Variants in SLMAP observed in about 807,000 individuals in gnomAD.
SLMAP encodes sarcolemmal membrane-associated protein.
SLMAP carries 44 observed loss-of-function variants against 128.8 expected under a neutral mutation model. That is an observed-to-expected ratio of 0.34 (90% CI 0.27 to 0.44). The LOEUF (loss-of-function observed/expected upper bound fraction) is 0.44. Among genes scored for constraint, SLMAP ranks in the 20% least tolerant of loss-of-function variants. The probability of loss-of-function intolerance (pLI) is 1.00; values close to 1 mark genes in which losing one functional copy is unlikely to be tolerated. For missense variants in SLMAP, 787 were observed against 985.3 expected (o/e 0.80, Z 2.69); for synonymous variants, 327 against 348.8 (o/e 0.94, Z 0.70).
chr3:57,771,655 T>C (rs1282496182), intron 2 of SLMAP, among the ~76,000 whole-genome samples: 1 of 152,202 alleles, frequency 6.6e-6, no homozygotes, highest in Non-Finnish European at 1.5e-5. Flanking sequence ...CCTCCCAGAC[T>C]GCTGGGATTA....
chr3:57,896,653 C>T (rs1238398933), intron 16 of SLMAP, 62 bp downstream of exon 16: 1 of 1,254,006 alleles, frequency 8.0e-7, no homozygotes, highest in African/African-American at 1.5e-5. Context: ...TTATATAGGT[C>T]AATGTGAGTG....
chr3:57,781,556 C>G (rs905821957), intron 2 of SLMAP, among the ~76,000 whole-genome samples: 1 of 151,796 alleles, frequency 6.6e-6, no homozygotes, highest in Non-Finnish European at 1.5e-5. Flanking sequence ...TAAAGAAACT[C>G]TGAAGGAGGC....
chr3:57,808,956 A>G (rs1311001136), intron 2 of SLMAP, among the ~76,000 whole-genome samples: 1 of 152,176 alleles, frequency 6.6e-6, no homozygotes, highest in East Asian at 1.9e-4. Context: ...GTGCATATAT[A>G]TATTTAGGAT....
chr3:57,811,292 T>C (rs2090934212), intron 2 of SLMAP, among the ~76,000 whole-genome samples: 1 of 152,144 alleles, frequency 6.6e-6, no homozygotes, highest in Non-Finnish European at 1.5e-5. Context: ...TCTGCCTCCA[T>C]GATTTTGGAC....
At chr3:57,779,600 G>A (rs1309636559) in intron 2 of SLMAP, among the ~76,000 whole-genome samples, 1 of 151,802 alleles carries the variant, frequency 6.6e-6, no homozygotes, top group Non-Finnish European at 1.5e-5. Context: ...GTAATAGAAT[G>A]ATAAGCAATC....
rs935906093 is a variant in SLMAP at position 57,928,342 on chromosome 3, T to C, written c.*1053T>C. ...TAATATCTCTTTAGATAAGCTTGTA[T>C]TGACCTAATTTGGTTTATGATGTGT... On this transcript the variant is annotated 3_prime_UTR_variant, in exon 25 of 25. Coordinates refer to ENST00000671191, the MANE Select transcript of SLMAP (RefSeq NM_001377540.1). 1.2e-4 allele frequency: 19 copies of C among 152,210 alleles called. No individual in the cohort carries two copies. Among genetic ancestry groups the C allele is most frequent in the Admixed American group, 1.2e-3 (19 of 15,284 alleles). The allele number at this position is 152,210 out of a possible 1,614,324, so 9.4% of individuals were successfully genotyped here.
At position 57,917,390 on chromosome 3, in the gene SLMAP, C is replaced by T. The variant is rs145518051; in HGVS notation, c.2310+313C>T. 632 of 419,250 alleles carry T rather than the reference C, an allele frequency of 1.5e-3. 5 individuals carry two copies. Among genetic ancestry groups the T allele is most frequent in the African/African-American group, 0.012 (593 of 48,620 alleles). 26.0% of individuals were successfully genotyped at this position (419,250 alleles called of 1,614,324 possible). On this transcript the variant is annotated intron_variant, in intron 22 of 24. Transcript: ENST00000671191. ...ATTGTTTAACTTTCAAAGAGAGTAT[C>T]GTATGTAACTTAGCATACTTTTGGA...
intron 5 of SLMAP, among the ~76,000 whole-genome samples, chr3:57,848,318 C>T (rs1272042314): frequency 1.3e-5 from 2 of 148,996 alleles, no homozygotes; most frequent in African/African-American, 2.5e-5. Context: ...CTCCCTTCTT[C>T]TCCCCCTTCT....
At chr3:57,831,256 G>C (rs2093321106) in intron 2 of SLMAP, 127 bp from the exon 3 acceptor site, 3 of 557,266 alleles carry the variant, frequency 5.4e-6, no homozygotes. Context: ...GAAATGAGTG[G>C]TTTGAATTAA....
At chr3:57,896,463 A>G (rs1411548331) in intron 15 of SLMAP, 48 bp from the exon 16 acceptor site, 1 of 1,525,838 alleles carries the variant, frequency 6.6e-7, no homozygotes, top group Non-Finnish European at 8.8e-7. Context: ...TTATTGATAT[A>G]AGATATTTAA....
Position 57,840,129 on chromosome 3 carries a change from G to T in SLMAP, c.347-1170G>T, listed in dbSNP as rs565417521. Among the ~76,000 whole-genome samples, 4 of 150,464 alleles carry T rather than the reference G, an allele frequency of 2.7e-5. No individual in the cohort carries two copies. In the East Asian group the frequency reaches 7.8e-4, roughly 29 times the overall value. ...AGCCACTGAGCCCGGCCTAATTTTT[G>T]TGTTTTTAGTAGAGAGGTTTCACCA... On this transcript the variant is annotated intron_variant, in intron 3 of 24. Coordinates refer to ENST00000671191, the MANE Select transcript of SLMAP (RefSeq NM_001377540.1).
intron 8 of SLMAP, among the ~76,000 whole-genome samples, chr3:57,859,688 T>TTTA (rs2094958364): frequency 1.3e-5 from 2 of 152,126 alleles, no homozygotes; most frequent in South Asian, 4.1e-4. Context: ...AGTGCTATAA[T>TTTA]GGACATTGGA....
chr3:57,802,928 T>A (rs1203142369), intron 2 of SLMAP, among the ~76,000 whole-genome samples: 1 of 152,210 alleles, frequency 6.6e-6, no homozygotes, highest in Non-Finnish European at 1.5e-5. Flanking sequence ...AAAAAGTTTC[T>A]TTTAAAAAAT....
chr3:57,853,738 C>T (rs1577676723), intron 6 of SLMAP, among the ~76,000 whole-genome samples: 1 of 150,850 alleles, frequency 6.6e-6, no homozygotes, highest in Non-Finnish European at 1.5e-5. Flanking sequence ...GTCAGGAGTT[C>T]GAGACCAGCC....
rs538835205 is a variant in SLMAP, at chr3:57,824,608, A to G, written c.199-6775A>G. On this transcript the variant is annotated intron_variant, in intron 2 of 24. Coordinates refer to ENST00000671191, the MANE Select transcript of SLMAP (RefSeq NM_001377540.1). ...TCTAGGTTCTATTCCATTGATCTTT[A>G]TATCTGTCCGTATGCCGGTAACACA... Among the ~76,000 whole-genome samples the G allele has an allele frequency of 1.2e-4, 19 of 152,214 alleles. No individual in the cohort carries two copies. In the South Asian group the frequency reaches 3.9e-3, roughly 32 times the overall value.
At chr3:57,864,434 CT>C in intron 10 of SLMAP, 113 bp from the exon 11 acceptor site, 1 of 652,884 alleles carries the variant, frequency 1.5e-6, no homozygotes, top group Non-Finnish European at 2.6e-6. Flanking sequence ...TAGAACATTT[CT>C]TTTCTACAGA....
At position 57,864,647 on chromosome 3, in the gene SLMAP, C is replaced by T. The variant is rs1470689481; in HGVS notation, c.1066C>T (p.Leu356Phe). Residue 356 changes from leucine (L) to phenylalanine (F), a missense_variant, in exon 11 of 25, where the codon CTC (leucine) becomes TTC (phenylalanine). Around this residue, in one of 2 missense-constraint regions of SLMAP, gnomAD observed 715 missense variants for 843.6 expected, o/e 0.85. Coordinates refer to ENST00000671191, the MANE Select transcript of SLMAP (RefSeq NM_001377540.1). ...TGAAATGGAAGAAAAAGAACAGGAGCTCCAGGCAAAAATAGAAGCTTTGCA... is the reference window on the plus strand; with the variant it reads ...TGAAATGGAAGAAAAAGAACAGGAGTTCCAGGCAAAAATAGAAGCTTTGCA... Reference protein sequence around the residue: ...IDEMEEKEQELQAKIEALQAD... With the variant: ...IDEMEEKEQEFQAKIEALQAD... The T allele has an allele frequency of 2.5e-6, 4 of 1,598,804 alleles. No homozygotes were observed. The African/African-American group carries it at 4.1e-5, about 16-fold the overall frequency.
rs536346267 is a variant in SLMAP at position 57,814,992 on chromosome 3, C to A, written c.199-16391C>A. Among the ~76,000 whole-genome samples the A allele has an allele frequency of 8.1e-4, 123 of 152,056 alleles. 2 individuals are homozygous for A. The South Asian group carries it at 0.025, about 30-fold the overall frequency. On this transcript the variant is annotated intron_variant, in intron 2 of 24. Coordinates refer to ENST00000671191, the MANE Select transcript of SLMAP (RefSeq NM_001377540.1). ...ACAGAGCAAGACTCTGTCTCAAAAA[C>A]CCCCCAAAATTTGGGATTCCCTAAT...
chr3:57,817,811 A>G (rs1295950802), intron 2 of SLMAP, among the ~76,000 whole-genome samples: 1 of 152,204 alleles, frequency 6.6e-6, no homozygotes, highest in African/African-American at 2.4e-5. Flanking sequence ...TTGTGTGTCA[A>G]ATAGGTGGTA....
Sources: allele counts gnomAD v4.1 joint callset (sites outside exome capture counted in the v4.1 genomes callset), GRCh38; gene constraint gnomAD v4.1.1; regional missense constraint gnomAD v4.1.1; transcripts MANE v1.5; gene names NCBI Gene and HGNC (gene_info 2026-07-23, HGNC 2026-07-21).